Variants in DOCK11 observed in about 807,000 individuals in gnomAD.
The protein encoded by DOCK11 is dedicator of cytokinesis protein 11.
In DOCK11, 70 loss-of-function variants were observed where a neutral mutation model predicts 169.1. That is an observed-to-expected ratio of 0.41 (90% CI 0.34 to 0.51). DOCK11 has a LOEUF of 0.51. Ranked by LOEUF, DOCK11 falls within the 20% of genes least tolerant of loss-of-function variation. The pLI, the probability that DOCK11 is intolerant of heterozygous loss-of-function variation, is 0.10. For missense variants in DOCK11, 1,166 were observed against 1,538.8 expected (o/e 0.76, Z 4.05); for synonymous variants, 529 against 541.3 (o/e 0.98, Z 0.32).
At chrX:118,568,310 C>G (rs2013141864) in intron 10 of DOCK11, 148 bp downstream of exon 10, 1 of 235,445 alleles carries the variant, frequency 4.2e-6, no homozygotes, top group Non-Finnish European at 7.1e-6. Flanking sequence ...GAACAGGTAA[C>G]TTAACAAATA....
rs993984796 is a variant in DOCK11, at chrX:118,570,142, G to A, written c.1035+1980G>A. ...TGTATCTGTCGAGTACCTTTTCTAG[G>A]TGAGGTGCCATCCCATAATTTTACC... On this transcript the variant is annotated intron_variant, in intron 10 of 52. Transcript: ENST00000276202. Among the ~76,000 whole-genome samples, 3 of 112,046 alleles carry A rather than the reference G, an allele frequency of 2.7e-5. No individual in the cohort carries two copies. In the Admixed American group the frequency reaches 2.8e-4, roughly 11 times the overall value.
chrX:118,542,784 C>G lies in DOCK11; in HGVS notation c.162C>G (p.Thr54=), dbSNP rs368102203. Reference sequence around the variant, plus strand: ...AGAATGTTATTGCCCAAAGAAAAACCCAGATTTACAGCGACCCCCTCCGAG... The same window carrying G: ...AGAATGTTATTGCCCAAAGAAAAACGCAGATTTACAGCGACCCCCTCCGAG... ...DYENVIAQRK[T]QIYSDPLRDL... The change falls in exon 2 of 53, where the codon ACC becomes ACG. Residue 54 remains threonine, a synonymous_variant. Coordinates refer to ENST00000276202, the MANE Select transcript of DOCK11 (RefSeq NM_144658.4). The G allele has an allele frequency of 8.4e-5, 101 of 1,208,653 alleles. No homozygotes were observed. Among genetic ancestry groups the G allele is most frequent in the African/African-American group, 1.1e-4 (6 of 56,811 alleles).
At chrX:118,672,525 C>A (rs5957039) in intron 46 of DOCK11, among the ~76,000 whole-genome samples, 2 of 112,889 alleles carry the variant, frequency 1.8e-5, no homozygotes, top group Non-Finnish European at 3.8e-5. Context: ...CTCCACCTCC[C>A]GGGTTCACGC....
chrX:118,644,846 ATTATAT>A (rs2015615815), intron 40 of DOCK11, among the ~76,000 whole-genome samples: 1 of 111,770 alleles, frequency 8.9e-6, no homozygotes. Context: ...AAGTAACACA[ATTATAT>A]TTGTATTAAG....
chrX:118,667,169 A>G (rs1307906466), intron 45 of DOCK11, among the ~76,000 whole-genome samples: 1 of 110,828 alleles, frequency 9.0e-6, no homozygotes, highest in East Asian at 2.8e-4. Flanking sequence ...TTGACCATTC[A>G]CTTTCTTAAT....
At chrX:118,510,027 C>T (rs1482278943) in intron 1 of DOCK11, among the ~76,000 whole-genome samples, 5 of 112,424 alleles carry the variant, frequency 4.4e-5, no homozygotes, top group Non-Finnish European at 9.4e-5. Flanking sequence ...TTGGTTCCAC[C>T]TTGGTAATCT....
chrX:118,654,650 A>G lies in DOCK11; in HGVS notation c.4744A>G (p.Thr1582Ala). 1 of 1,211,616 alleles carries G rather than the reference A, an allele frequency of 8.3e-7. No homozygotes were observed. The highest frequency in any genetic ancestry group is 1.1e-6 in the Non-Finnish European group (1 of 895,422). ...CAAAGACTTGACCAAGAGAATCCGC[A>G]CTGTTCTTATGGCCACTGCCCAAAT... ...EVKDLTKRIRTVLMATAQMKE... is the reference protein window; with the variant it reads ...EVKDLTKRIRAVLMATAQMKE... Residue 1582 changes from threonine to alanine, a missense_variant, in exon 43 of 53, where the codon ACT becomes GCT. By Grantham distance (58) the Thr-to-Ala change is moderately conservative (BLOSUM62 0). Coordinates refer to ENST00000276202, the MANE Select transcript of DOCK11 (RefSeq NM_144658.4).
At chrX:118,539,948 G>GA (rs1200518835) in intron 1 of DOCK11, among the ~76,000 whole-genome samples, 18 of 105,326 alleles carry the variant, frequency 1.7e-4, no homozygotes, top group African/African-American at 6.3e-4. Flanking sequence ...CTACTCGGGA[G>GA]GCTGAGGCAG....
At chrX:118,631,301 A>G (rs1475890208) in intron 35 of DOCK11, among the ~76,000 whole-genome samples, 3 of 111,884 alleles carry the variant, frequency 2.7e-5, no homozygotes, top group Non-Finnish European at 5.6e-5. Context: ...ATTTTATAAT[A>G]ATGCAGGATG....
intron 1 of DOCK11, among the ~76,000 whole-genome samples, chrX:118,520,592 A>G (rs2147321297): frequency 8.9e-6 from 1 of 111,871 alleles, no homozygotes; most frequent in South Asian, 3.8e-4. Flanking sequence ...TGATAATACA[A>G]GATGGAGCTG....
intron 6 of DOCK11, among the ~76,000 whole-genome samples, chrX:118,549,571 T>C (rs1361979541): frequency 8.9e-6 from 1 of 111,915 alleles, no homozygotes; most frequent in Non-Finnish European, 1.9e-5. Flanking sequence ...TTTATTTGTT[T>C]TTGAGACAGT....
At chrX:118,545,849 A>G (rs908105788) in intron 5 of DOCK11, among the ~76,000 whole-genome samples, 172 bp from the exon 6 acceptor site, 2 of 112,205 alleles carry the variant, frequency 1.8e-5, no homozygotes, top group Admixed American at 9.5e-5. Flanking sequence ...TACTGTGTGC[A>G]TAGCACAGAG....
intron 35 of DOCK11, 64 bp from the exon 36 acceptor site, chrX:118,636,282 G>A: frequency 1.5e-6 from 1 of 672,791 alleles, no homozygotes; most frequent in Non-Finnish European, 2.2e-6. Flanking sequence ...TAGGACTTGG[G>A]GATTCACTGT....
In DOCK11 at chrX:118,681,815, A is replaced by G. The variant is rs756276567; in HGVS notation, c.5963+21A>G. The G allele has an allele frequency of 8.9e-6, 10 of 1,119,941 alleles. No homozygotes were observed. In the Admixed American group the frequency reaches 2.6e-4, roughly 29 times the overall value. The allele number at this position is 1,119,941 out of a possible 1,213,427, so 92.3% of individuals were successfully genotyped here. On this transcript the variant is annotated intron_variant, in intron 51 of 52. Coordinates refer to ENST00000276202, the MANE Select transcript of DOCK11 (RefSeq NM_144658.4). ...TTTAGGTAAGTGTTTTATAGTTTTC[A>G]GGTTAGACCCGTGTTCGTTTTCTCT...
chrX:118,600,322 G>T (rs749880244), intron 23 of DOCK11, among the ~76,000 whole-genome samples: 1 of 109,204 alleles, frequency 9.2e-6, no homozygotes, highest in Non-Finnish European at 1.9e-5. Context: ...CAGGAGAATC[G>T]CTTGAACCTG....
At chrX:118,586,948 T>A (rs1462308909) in intron 16 of DOCK11, among the ~76,000 whole-genome samples, 2 of 112,332 alleles carry the variant, frequency 1.8e-5, no homozygotes, top group Non-Finnish European at 3.8e-5. Context: ...CAATAAAGAA[T>A]AGTAAATGGA....
At chrX:118,646,656 A>T (rs1010977041) in intron 40 of DOCK11, among the ~76,000 whole-genome samples, 1 of 111,932 alleles carries the variant, frequency 8.9e-6, no homozygotes, top group African/African-American at 3.3e-5. Flanking sequence ...GATGAGCTAC[A>T]CTATAGCTAT....
At chrX:118,684,251 CT>C (rs1291583472) in intron 52 of DOCK11, among the ~76,000 whole-genome samples, 6 of 100,659 alleles carry the variant, frequency 6.0e-5, no homozygotes, top group African/African-American at 1.8e-4. Context: ...CTTCTTCAAG[CT>C]TTTTTTTCTT....
intron 1 of DOCK11, among the ~76,000 whole-genome samples, chrX:118,510,654 G>A (rs1226689589): frequency 3.6e-5 from 4 of 111,166 alleles, no homozygotes; most frequent in Admixed American, 9.6e-5. Context: ...AAGAGAAAGC[G>A]ATGGTTGCAC....
Sources: allele counts gnomAD v4.1 joint callset (sites outside exome capture counted in the v4.1 genomes callset), GRCh38; gene constraint gnomAD v4.1.1; transcripts MANE v1.5; gene names NCBI Gene and HGNC (gene_info 2026-07-23, HGNC 2026-07-21).